SLC24A2: variants seen among roughly 807,000 people sequenced by gnomAD.
SLC24A2 encodes the protein solute carrier family 24 member 2, also known as sodium/potassium/calcium exchanger 2.
In SLC24A2, 36 loss-of-function variants were observed where a neutral mutation model predicts 62.0. The observed-to-expected ratio is 0.58, with a 90% CI of 0.44 to 0.77. The LOEUF is 0.77. SLC24A2 is among the 30% of genes least tolerant of loss of function. The pLI is 0.00. For synonymous variants in SLC24A2, 358 were observed against 294.0 expected (o/e 1.22, Z -2.23); for missense variants, 846 against 817.9 (o/e 1.03, Z -0.42).
chr9:19,905,216 C>G, the SLC24A2 span, among the ~76,000 whole-genome samples: 2 of 152,062 alleles, frequency 1.3e-5, no homozygotes, highest in Non-Finnish European at 2.9e-5. Flanking sequence ...AGAGTGGGGT[C>G]TCACTCAGAC....
chr9:19,744,010 C>G (rs1821756083), intron 2 of SLC24A2, among the ~76,000 whole-genome samples: 1 of 152,106 alleles, frequency 6.6e-6, no homozygotes, highest in South Asian at 2.1e-4. Flanking sequence ...TCCTGATCAT[C>G]ACCGCAACCA....
the SLC24A2 span, among the ~76,000 whole-genome samples, chr9:20,159,530 C>T: frequency 0.072 from 10,935 of 151,204 alleles, 1,155 homozygotes; most frequent in African/African-American, 0.23. Context: ...GATTTGATTG[C>T]GGTAAATGAT....
intron 2 of SLC24A2, among the ~76,000 whole-genome samples, chr9:19,715,477 T>C (rs1293350529): frequency 6.6e-6 from 1 of 152,214 alleles, no homozygotes; most frequent in Non-Finnish European, 1.5e-5. Context: ...GTATTCCACA[T>C]CCATCTGTGT....
upstream of SLC24A2, among the ~76,000 whole-genome samples, chr9:19,789,735 G>C (rs1483754862): frequency 2.0e-5 from 3 of 152,214 alleles, no homozygotes; most frequent in African/African-American, 7.2e-5. Flanking sequence ...CTGGGCCAAA[G>C]AATGGAAGAC....
chr9:20,210,631 G>A, the SLC24A2 span, among the ~76,000 whole-genome samples: 5 of 126,236 alleles, frequency 4.0e-5, no homozygotes, highest in Admixed American at 1.9e-4. Flanking sequence ...CCGCCACAAC[G>A]CCCGGCTTTT....
Position 19,516,398 on chromosome 9 carries a change from G to T in SLC24A2, c.1741C>A (p.Pro581Thr). Reference sequence around the variant, plus strand: ...ACGGTGTACAGGAGCCAGGGCAGTGGGAGCCTGTGCAGAAGTGAAGCAGGG... The same window carrying T: ...ACGGTGTACAGGAGCCAGGGCAGTGTGAGCCTGTGCAGAAGTGAAGCAGGG... ...SNIFDITVGLPLPWLLYTVIH... is the reference protein window; with the variant it reads ...SNIFDITVGLTLPWLLYTVIH... The change falls in exon 11 of 11, where the codon CCA becomes ACA. Residue 581 changes from proline (P) to threonine (T), a missense_variant. Pro to Thr is a conservative substitution (Grantham distance 38). Coordinates refer to ENST00000341998, the MANE Select transcript of SLC24A2 (RefSeq NM_020344.4). 6.2e-7 allele frequency: 1 copy of T among 1,613,728 alleles called. No individual in the cohort carries two copies. The highest frequency in any genetic ancestry group is 8.5e-7 in the Non-Finnish European group (1 of 1,179,940).
the SLC24A2 span, among the ~76,000 whole-genome samples, chr9:20,177,963 T>TA: frequency 6.6e-6 from 1 of 152,146 alleles, no homozygotes; most frequent in Middle Eastern, 3.2e-3. Flanking sequence ...TCTGCCTCCT[T>TA]ACTTTTTTAC....
chr9:20,093,154 C>G, the SLC24A2 span, among the ~76,000 whole-genome samples: 1 of 151,908 alleles, frequency 6.6e-6, no homozygotes, highest in South Asian at 2.1e-4. Context: ...TCACCGCCAC[C>G]TCCACCTCCC....
chr9:19,851,390 C>G, the SLC24A2 span, among the ~76,000 whole-genome samples: 1 of 152,028 alleles, frequency 6.6e-6, no homozygotes, highest in Non-Finnish European at 1.5e-5. Context: ...AGGTTTATTA[C>G]ATAGGTAAAT....
At chr9:20,088,310 G>A in the SLC24A2 span, among the ~76,000 whole-genome samples, 201 of 152,352 alleles carry the variant, frequency 1.3e-3, no homozygotes, top group African/African-American at 4.7e-3. Flanking sequence ...CCCAGAGGGA[G>A]GGGCAGGCTG....
At chr9:20,107,701 G>A in the SLC24A2 span, among the ~76,000 whole-genome samples, 1 of 151,932 alleles carries the variant, frequency 6.6e-6, no homozygotes, top group Non-Finnish European at 1.5e-5. Context: ...AATTCAAGTT[G>A]GATTAAAGAC....
At chr9:20,186,838 T>C in the SLC24A2 span, among the ~76,000 whole-genome samples, 1 of 152,234 alleles carries the variant, frequency 6.6e-6, no homozygotes, top group Non-Finnish European at 1.5e-5. Flanking sequence ...TGGGCATCTT[T>C]ACCCTCCAGA....
intron 5 of SLC24A2, among the ~76,000 whole-genome samples, chr9:19,581,678 A>G (rs1156906579): frequency 6.6e-6 from 1 of 152,210 alleles, no homozygotes; most frequent in East Asian, 1.9e-4. Context: ...AATAGAATTG[A>G]TGCCTAGCAC....
At chr9:19,809,695 T>C in the SLC24A2 span, among the ~76,000 whole-genome samples, 2 of 151,964 alleles carry the variant, frequency 1.3e-5, no homozygotes, top group African/African-American at 4.8e-5. Flanking sequence ...CATAATAAGA[T>C]TAGGGTGGGG....
Position 19,518,855 on chromosome 9 carries a change from G to A in SLC24A2, c.1736+2039C>T, listed in dbSNP as rs376282556. On this transcript the variant is annotated intron_variant, in intron 10 of 10. Transcript: ENST00000341998. Reference sequence around the variant, plus strand: ...CACTCAGTATATTGTCAAAAATGTTGTCAGCTGGTATAAATTCTTGGGAAA... The same window carrying A: ...CACTCAGTATATTGTCAAAAATGTTATCAGCTGGTATAAATTCTTGGGAAA... 2.4e-4 allele frequency among the ~76,000 whole-genome samples: 37 copies of A among 152,254 alleles called. No individual in the cohort carries two copies. The East Asian group carries it at 4.8e-3, about 20-fold the overall frequency.
intron 2 of SLC24A2, among the ~76,000 whole-genome samples, chr9:19,778,345 A>G (rs1822906125): frequency 6.6e-6 from 1 of 152,192 alleles, no homozygotes; most frequent in Admixed American, 6.5e-5. Context: ...AGCAGCCTAA[A>G]GACTAGGTTT....
At chr9:19,955,869 A>G in the SLC24A2 span, among the ~76,000 whole-genome samples, 1 of 152,230 alleles carries the variant, frequency 6.6e-6, no homozygotes, top group East Asian at 1.9e-4. Context: ...GCTTCCTTTT[A>G]TCTGTACCAA....
At chr9:19,527,796 C>T (rs973246073) in intron 9 of SLC24A2, among the ~76,000 whole-genome samples, 1 of 152,172 alleles carries the variant, frequency 6.6e-6, no homozygotes, top group Non-Finnish European at 1.5e-5. Context: ...TGTCAGGCTG[C>T]AGAGGCAAGA....
At chr9:19,830,647 T>C in the SLC24A2 span, among the ~76,000 whole-genome samples, 2 of 152,132 alleles carry the variant, frequency 1.3e-5, no homozygotes, top group African/African-American at 2.4e-5. Flanking sequence ...CCACAAAAAG[T>C]TCATCTGAGC....
Sources: gnomAD v4.1 joint callset for allele counts (sites outside exome capture counted in the v4.1 genomes callset) on GRCh38, gnomAD v4.1.1 for gene constraint, MANE v1.5 for transcripts, NCBI Gene and HGNC (gene_info 2026-07-23, HGNC 2026-07-21) for gene names.